Variants in GPHN observed in about 807,000 individuals in gnomAD.
The protein encoded by GPHN is gephyrin.
GPHN carries 17 observed loss-of-function variants against 95.5 expected under a neutral mutation model. The observed-to-expected ratio is 0.18, with a 90% CI of 0.12 to 0.27. The LOEUF (loss-of-function observed/expected upper bound fraction) is 0.27, where lower values mean the gene tolerates loss of function less well. GPHN is among the 10% of genes least tolerant of loss of function. GPHN has a pLI of 1.00. For missense variants in GPHN, 660 were observed against 978.1 expected, an observed-to-expected ratio of 0.67 and a Z score of 4.34; for synonymous variants, 320 against 322.5, an observed-to-expected ratio of 0.99 and a Z score of 0.08.
At chr14:66,660,390 G>A (rs2065571527) in intron 1 of GPHN, among the ~76,000 whole-genome samples, 1 of 152,084 alleles carries the variant, frequency 6.6e-6, no homozygotes, top group African/African-American at 2.4e-5. Flanking sequence ...CCATATATTT[G>A]CCTACTATTA....
intron 9 of GPHN, among the ~76,000 whole-genome samples, chr14:67,009,907 C>T (rs1435832782): frequency 3.3e-5 from 5 of 151,758 alleles, no homozygotes; most frequent in African/African-American, 1.2e-4. Flanking sequence ...TATAGGCGCA[C>T]ACCACTGTAT....
chr14:67,459,595 TG>T, the GPHN span, among the ~76,000 whole-genome samples: 1 of 152,234 alleles, frequency 6.6e-6, no homozygotes, highest in Non-Finnish European at 1.5e-5. Flanking sequence ...TCTTACTGGC[TG>T]GACGCAAACA....
the GPHN span, chr14:67,724,502 C>T: frequency 3.8e-6 from 6 of 1,595,556 alleles, no homozygotes; most frequent in Admixed American, 8.4e-5. Flanking sequence ...GTGTGTAGAA[C>T]AAATGTGCAG....
chr14:67,677,462 A>G, the GPHN span: 1 of 126,564 alleles, frequency 7.9e-6, no homozygotes, highest in Admixed American at 1.0e-4. Context: ...TAGCTATGTT[A>G]GCATATTTAA....
chr14:67,508,766 A>AC, the GPHN span, among the ~76,000 whole-genome samples: 1 of 150,780 alleles, frequency 6.6e-6, no homozygotes. Context: ...AAAAAAAAAA[A>AC]AAAAACAGAA....
the GPHN span, among the ~76,000 whole-genome samples, chr14:67,283,824 A>G: frequency 3.9e-5 from 6 of 152,360 alleles, no homozygotes; most frequent in South Asian, 2.1e-4. Flanking sequence ...AGTCTTTGAC[A>G]CAATACGTTG....
the GPHN span, among the ~76,000 whole-genome samples, chr14:67,226,780 CT>C: frequency 6.6e-6 from 1 of 152,254 alleles, no homozygotes; most frequent in African/African-American, 2.4e-5. Flanking sequence ...ATTCCCTGGC[CT>C]CCACATACAT....
intron 5 of GPHN, among the ~76,000 whole-genome samples, chr14:66,888,975 T>C (rs1445558116): frequency 6.6e-6 from 1 of 152,148 alleles, no homozygotes; most frequent in Non-Finnish European, 1.5e-5. Flanking sequence ...TGTTTAAATA[T>C]CTTAAATCCA....
the GPHN span, among the ~76,000 whole-genome samples, chr14:67,667,389 G>A: frequency 6.6e-6 from 1 of 152,138 alleles, no homozygotes; most frequent in Admixed American, 6.6e-5. Context: ...CACCGTGACA[G>A]CTGACTAGAT....
the GPHN span, chr14:67,729,053 C>T: frequency 1.1e-6 from 1 of 872,896 alleles, no homozygotes; most frequent in Non-Finnish European, 1.9e-6. Context: ...TCCGCCTGGC[C>T]AGGAGTGGTA....
the GPHN span, chr14:67,471,248 G>A: frequency 6.6e-6 from 1 of 152,240 alleles, no homozygotes; most frequent in Non-Finnish European, 1.5e-5. Flanking sequence ...AGACCTGGTG[G>A]GCCAATCAAG....
chr14:67,700,577 T>TGGTGGCGGGCGC, the GPHN span, among the ~76,000 whole-genome samples: 3 of 151,168 alleles, frequency 2.0e-5, no homozygotes, highest in Non-Finnish European at 4.4e-5. Context: ...TAGCCGGGCG[T>TGGTGGCGGGCGC]GGTGGCGGGC....
At chr14:67,177,428 C>T (rs2083054967) in intron 21 of GPHN, among the ~76,000 whole-genome samples, 1 of 152,184 alleles carries the variant, frequency 6.6e-6, no homozygotes, top group Admixed American at 6.5e-5. Flanking sequence ...TTTGATTGCA[C>T]TGTGATCTGA....
the GPHN span, among the ~76,000 whole-genome samples, chr14:67,351,677 T>TTTCTTC: frequency 6.6e-6 from 1 of 151,578 alleles, no homozygotes; most frequent in Middle Eastern, 3.2e-3. Context: ...CTCTGCTAAT[T>TTTCTTC]TTCTTCTTCT....
chr14:67,217,841 CT>C, the GPHN span, among the ~76,000 whole-genome samples: 3 of 151,804 alleles, frequency 2.0e-5, no homozygotes, highest in African/African-American at 7.3e-5. Context: ...TATTGTTTTT[CT>C]TTGGAAGTGT....
chr14:66,969,001 T>C (rs1355786295), intron 9 of GPHN: 3 of 150,088 alleles, frequency 2.0e-5, no homozygotes, highest in Non-Finnish European at 3.0e-5. Context: ...TCTATAAAAC[T>C]ATACCAGGTC....
chr14:67,148,200 G>A lies in GPHN; in HGVS notation c.1836+4751G>A, dbSNP rs945391209. On this transcript the variant is annotated intron_variant, in intron 18 of 22. Transcript: ENST00000478722. The stretch of plus-strand genomic sequence containing the variant: ...CATAAATAAGGAACCTTTGTTCTTC[G>A]CTTTTTTATTTCTTTAAATAAAGAT... Among the ~76,000 whole-genome samples the A allele has an allele frequency of 5.9e-5, 9 of 152,144 alleles. No individual in the cohort carries two copies. The South Asian group carries it at 1.5e-3, about 25-fold the overall frequency.
chr14:67,407,020 C>T, the GPHN span, among the ~76,000 whole-genome samples: 5 of 152,018 alleles, frequency 3.3e-5, no homozygotes, highest in African/African-American at 7.2e-5. Flanking sequence ...GAGAGAAGGA[C>T]GAGGGGCCCA....
In GPHN at chr14:67,105,743, AG is replaced by A. The variant is rs1356435638; in HGVS notation, c.1294-4395del. Among the ~76,000 whole-genome samples the A allele has an allele frequency of 3.3e-5, 5 of 152,228 alleles. No individual in the cohort carries two copies. In the East Asian group the frequency reaches 9.6e-4, roughly 29 times the overall value. On this transcript the variant is annotated intron_variant, in intron 13 of 22. Coordinates refer to ENST00000478722, the MANE Select transcript of GPHN (RefSeq NM_020806.5). ...TGTATAGGTGAAGTGAGTCTCATGT[AG>A]GCAGCAAATAGTTGGGTTCTTTTTT...
Sources: allele counts gnomAD v4.1 joint callset (sites outside exome capture counted in the v4.1 genomes callset), GRCh38; gene constraint gnomAD v4.1.1; transcripts MANE v1.5; gene names NCBI Gene and HGNC (gene_info 2026-07-23, HGNC 2026-07-21).